The following ZNF831 variants were observed in gnomAD, a reference collection of about 807,000 sequenced individuals.
ZNF831 encodes the protein chromosome 20 open reading frame 174.
Under a neutral mutation model 95.8 loss-of-function variants are expected in ZNF831, and 59 were observed. The ratio of observed to expected loss-of-function variants is 0.62; its 90% CI spans 0.50 to 0.77. The LOEUF (loss-of-function observed/expected upper bound fraction) is 0.77, where lower values mean the gene tolerates loss of function less well. Ranked by LOEUF, ZNF831 falls within the 30% of genes least tolerant of loss-of-function variation. The pLI is 0.00. For missense variants in ZNF831, 2,205 were observed against 2,164.0 expected, an observed-to-expected ratio of 1.02 and a Z score of -0.38; for synonymous variants, 961 against 925.5, an observed-to-expected ratio of 1.04 and a Z score of -0.70.
chr20:59,228,746 A>C (rs147393021), intron 4 of ZNF831, among the ~76,000 whole-genome samples: 1 of 152,288 alleles, frequency 6.6e-6, no homozygotes, highest in Non-Finnish European at 1.5e-5. Flanking sequence ...ACCTGCATAC[A>C]ATGTGTAATG....
intron 4 of ZNF831, among the ~76,000 whole-genome samples, chr20:59,246,676 G>A (rs1987623325): frequency 6.6e-6 from 1 of 152,146 alleles, no homozygotes; most frequent in Admixed American, 6.5e-5. Context: ...AGGGGAGGGT[G>A]GTTATCTTGA....
chr20:59,141,031 C>T (rs1979661721), intron 1 of ZNF831, among the ~76,000 whole-genome samples: 1 of 152,182 alleles, frequency 6.6e-6, no homozygotes, highest in Non-Finnish European at 1.5e-5. Context: ...TCCCGAGTAG[C>T]TAGGATTATA....
intron 1 of ZNF831, among the ~76,000 whole-genome samples, chr20:59,133,742 GC>G (rs1268204674): frequency 6.6e-6 from 1 of 152,206 alleles, no homozygotes; most frequent in Non-Finnish European, 1.5e-5. Context: ...TCATTTTCCA[GC>G]TTGGAAACAG....
chr20:59,226,254 C>A (rs1340682427), intron 4 of ZNF831, among the ~76,000 whole-genome samples: 2 of 152,206 alleles, frequency 1.3e-5, no homozygotes, highest in African/African-American at 2.4e-5. Context: ...CGATCACAAC[C>A]TGACCTGCTT....
rs1979390541 is a variant in ZNF831, at chr20:59,132,869, C to T, written c.-1425+9364C>T. ...GAGCCAGCTGGGCTGAGGCTCCACTCTGCTGAGGCTCCCAAGGCCTGACAG... is the reference window on the plus strand; with the variant it reads ...GAGCCAGCTGGGCTGAGGCTCCACTTTGCTGAGGCTCCCAAGGCCTGACAG... On this transcript the variant is annotated intron_variant, in intron 1 of 7. Transcript: ENST00000637017. Among the ~76,000 whole-genome samples the T allele has an allele frequency of 2.0e-5, 3 of 152,262 alleles. No individual in the cohort carries two copies. In the South Asian group the frequency reaches 6.2e-4, roughly 31 times the overall value.
chr20:59,258,682 G>C lies in ZNF831; in HGVS notation c.*3939G>C, dbSNP rs1376029460. 1 of 152,174 alleles carries C rather than the reference G, an allele frequency of 6.6e-6. No homozygotes were observed. Among genetic ancestry groups the C allele is most frequent in the Non-Finnish European group, 1.5e-5 (1 of 68,026 alleles). The allele number at this position is 152,174 out of a possible 1,614,324, so 9.4% of individuals were successfully genotyped here. On this transcript the variant is annotated 3_prime_UTR_variant, in exon 6 of 6. Coordinates refer to ENST00000371030, the MANE Select transcript of ZNF831 (RefSeq NM_178457.3). Reference sequence around the variant, plus strand: ...CATAGTTCATGTAGGGAGGCACTTTGGCTTTTGAAACACTACATTTCTCAA... The same window carrying C: ...CATAGTTCATGTAGGGAGGCACTTTCGCTTTTGAAACACTACATTTCTCAA...
rs2146550103 is a variant in ZNF831, at chr20:59,191,585, A to G, written c.566A>G (p.Lys189Arg). ...IAFKTQSNLY[K>R]HRRTQTHLNN... The stretch of plus-strand genomic sequence containing the variant: ...TTTAAGACCCAGAGCAATCTCTACA[A>G]GCACAGGCGGACGCAGACGCACCTC... The change falls in exon 2 of 6, where the codon AAG becomes AGG. Residue 189 changes from lysine to arginine, a missense_variant. Lys to Arg is a conservative substitution (Grantham distance 26). Transcript: ENST00000371030. The G allele has an allele frequency of 6.2e-7, 1 of 1,609,314 alleles. No homozygotes were observed. The highest frequency in any genetic ancestry group is 8.5e-7 in the Non-Finnish European group (1 of 1,177,662).
chr20:59,217,701 T>C lies in ZNF831; in HGVS notation c.4027+10645T>C, dbSNP rs558113594. ...CTTGATTCTCACTAGGGGTCTGTTA[T>C]CCATTCTGTCCGTGGAAGGCTGGCA... On this transcript the variant is annotated intron_variant, in intron 4 of 5. Coordinates refer to ENST00000371030, the MANE Select transcript of ZNF831 (RefSeq NM_178457.3). The surrounding 1 kb of genome is among the most constrained non-coding windows in gnomAD (Gnocchi z 4.4). Among the ~76,000 whole-genome samples the C allele has an allele frequency of 1.8e-3, 277 of 152,286 alleles. 1 individual carries two copies. The highest frequency in any genetic ancestry group is 2.9e-3 in the Non-Finnish European group (194 of 68,010).
At chr20:59,183,502 T>C (rs549033714) in intron 1 of ZNF831, among the ~76,000 whole-genome samples, 36 of 152,306 alleles carry the variant, frequency 2.4e-4, no homozygotes, top group East Asian at 7.7e-4. Context: ...ATGTTAATGG[T>C]TCGTAGGGAA....
At chr20:59,220,739 C>T (rs1415584551) in intron 4 of ZNF831, among the ~76,000 whole-genome samples, 2 of 152,182 alleles carry the variant, frequency 1.3e-5, no homozygotes, top group African/African-American at 4.8e-5. Flanking sequence ...ATGCCAGACA[C>T]TCCAAAGTCT....
intron 4 of ZNF831, among the ~76,000 whole-genome samples, chr20:59,232,256 T>C (rs960884131): frequency 1.5e-5 from 2 of 137,318 alleles, no homozygotes; most frequent in African/African-American, 6.4e-5. Context: ...TAAAGGGAAC[T>C]ACCTTTTTAA....
chr20:59,163,629 T>G (rs149894443), upstream of ZNF831, among the ~76,000 whole-genome samples: 629 of 152,230 alleles, frequency 4.1e-3, 2 homozygotes, highest in African/African-American at 0.015. Flanking sequence ...CAATGTTTTT[T>G]TGCACACCTA....
rs1395028489 is a variant in ZNF831, at chr20:59,169,865, A to T, written c.-37+5658A>T. Among the ~76,000 whole-genome samples the T allele has an allele frequency of 6.6e-6, 1 of 151,652 alleles. No individual in the cohort carries two copies. Among genetic ancestry groups the T allele is most frequent in the East Asian group, 1.9e-4 (1 of 5,174 alleles). On this transcript the variant is annotated intron_variant, in intron 1 of 5. Transcript: ENST00000371030. This position sits in a 1 kb window ranked among gnomAD's most constrained non-coding sequence, Gnocchi z 4.1. ...CAGTGAGCCAAGATCATGCCACTTC[A>T]CTCTAGCCTGGGCAATAGAGCAAGA...
At position 59,193,798 on chromosome 20, in the gene ZNF831, A is replaced by G. The variant is rs2146589543; in HGVS notation, c.2779A>G (p.Arg927Gly). Residue 927 changes from arginine to glycine, a missense_variant, in exon 2 of 6, where the codon AGA becomes GGA. Transcript: ENST00000371030. The part of the protein sequence containing the change: ...PSLATPPQAP[R>G]VLSALADNAF... ...GCTGGCCACCCCACCTCAGGCTCCT[A>G]GAGTGCTCTCTGCCCTGGCAGATAA... 1 of 1,611,148 alleles carries G rather than the reference A, an allele frequency of 6.2e-7. No individual in the cohort carries two copies. The highest frequency in any genetic ancestry group is 8.5e-7 in the Non-Finnish European group (1 of 1,178,510).
intron 2 of ZNF831, among the ~76,000 whole-genome samples, chr20:59,153,834 A>G (rs259990): frequency 6.6e-6 from 1 of 152,094 alleles, no homozygotes. Context: ...CAAGTACCTA[A>G]TTGGAGCTGG....
At chr20:59,240,681 A>T (rs925797316) in intron 4 of ZNF831, among the ~76,000 whole-genome samples, 5 of 152,106 alleles carry the variant, frequency 3.3e-5, no homozygotes, top group African/African-American at 1.2e-4. Flanking sequence ...GGGCGCCTGT[A>T]GTCCCAGCTA....
chr20:59,193,558 C>T lies in ZNF831; in HGVS notation c.2539C>T (p.Pro847Ser), dbSNP rs1205073187. ...EPVSAETPGG[P>S]TQPASLSSQK... ...TGTGAGCGCAGAGACCCCAGGTGGG[C>T]CCACGCAGCCTGCCTCTTTGTCATC... The change falls in exon 2 of 6, where the codon CCC becomes TCC. Residue 847 changes from proline to serine, a missense_variant. Physicochemically the swap from Pro to Ser is moderately conservative, Grantham distance 74. Coordinates refer to ENST00000371030, the MANE Select transcript of ZNF831 (RefSeq NM_178457.3). The T allele has an allele frequency of 6.2e-7, 1 of 1,604,674 alleles. No homozygotes were observed. Among genetic ancestry groups the T allele is most frequent in the Non-Finnish European group, 8.5e-7 (1 of 1,175,742 alleles).
chr20:59,233,212 T>G (rs1184856060), intron 4 of ZNF831, among the ~76,000 whole-genome samples: 1 of 152,166 alleles, frequency 6.6e-6, no homozygotes, highest in Non-Finnish European at 1.5e-5. Flanking sequence ...GAGTCATCAT[T>G]GTTTTTACAA....
At chr20:59,227,308 GA>G (rs2146688706) in intron 4 of ZNF831, among the ~76,000 whole-genome samples, 1 of 152,230 alleles carries the variant, frequency 6.6e-6, no homozygotes, top group East Asian at 1.9e-4. Flanking sequence ...ATTTTTAAGG[GA>G]ACTATTTTCT....
Sources: allele counts gnomAD v4.1 joint callset (sites outside exome capture counted in the v4.1 genomes callset), GRCh38; gene constraint gnomAD v4.1.1; non-coding constraint Gnocchi (gnomAD v3.1); transcripts MANE v1.5; gene names NCBI Gene and HGNC (gene_info 2026-07-23, HGNC 2026-07-21).